SORCS2: variants seen among roughly 807,000 people sequenced by gnomAD.
SORCS2 encodes VPS10 domain-containing receptor SorCS2.
In SORCS2, 100 loss-of-function variants were observed where a neutral mutation model predicts 141.6. The observed-to-expected ratio is 0.71, with a 90% confidence interval of 0.60 to 0.83. The LOEUF is 0.83. Ranked by LOEUF, SORCS2 falls within the 40% of genes least tolerant of loss-of-function variation. SORCS2 has a pLI of 0.00. For synonymous variants in SORCS2, 789 were observed against 676.9 expected, an observed-to-expected ratio of 1.17 and a Z score of -2.57; for missense variants, 1,646 against 1,560.2, an observed-to-expected ratio of 1.05 and a Z score of -0.93.
At chr4:7,434,723 C>A (rs368043627) in intron 2 of SORCS2, 3 of 1,612,860 alleles carry the variant, frequency 1.9e-6, no homozygotes, top group South Asian at 1.1e-5. Flanking sequence ...TTGTTCCATA[C>A]GGCCCCTTGG....
At chr4:7,646,263 A>G (rs1721067099) in intron 4 of SORCS2, among the ~76,000 whole-genome samples, 1 of 151,782 alleles carries the variant, frequency 6.6e-6, no homozygotes, top group Non-Finnish European at 1.5e-5. Context: ...GCCAAGATGC[A>G]GGCAGCTGAG....
At chr4:7,571,286 G>A (rs1263131520) in intron 3 of SORCS2, among the ~76,000 whole-genome samples, 2 of 152,238 alleles carry the variant, frequency 1.3e-5, no homozygotes, top group African/African-American at 4.8e-5. Flanking sequence ...CCTTAGCAGA[G>A]GGCTGGCTGG....
At chr4:7,638,525 T>A in intron 4 of SORCS2, 33 bp downstream of exon 4, 6 of 1,586,338 alleles carry the variant, frequency 3.8e-6, no homozygotes, top group Non-Finnish European at 5.1e-6. Context: ...GCCTGGTCTG[T>A]GGGGCTGGGG....
chr4:7,433,439 G>T, intron 2 of SORCS2: 1 of 1,537,210 alleles, frequency 6.5e-7, no homozygotes, highest in Non-Finnish European at 8.7e-7. Context: ...AGGGCACACT[G>T]GTCGGTGCCC....
chr4:7,637,617 A>C (rs1322008576), intron 3 of SORCS2, among the ~76,000 whole-genome samples: 1 of 152,198 alleles, frequency 6.6e-6, no homozygotes, highest in East Asian at 1.9e-4. Flanking sequence ...ATTAGCACTG[A>C]GCCAGCTGGG....
chr4:7,346,230 G>A (rs1335206288), intron 1 of SORCS2, among the ~76,000 whole-genome samples: 1 of 152,176 alleles, frequency 6.6e-6, no homozygotes, highest in Admixed American at 6.5e-5. Flanking sequence ...GCTGCATTAT[G>A]ATATGTTGTG....
chr4:7,448,093 G>A (rs12508967), intron 2 of SORCS2, among the ~76,000 whole-genome samples: 53,906 of 152,098 alleles, frequency 0.35, 9,730 homozygotes, highest in East Asian at 0.49. Context: ...ATCCCTGTAC[G>A]TAGGCGAGAG....
chr4:7,577,433 T>C (rs1285290693), intron 3 of SORCS2, among the ~76,000 whole-genome samples: 2 of 152,076 alleles, frequency 1.3e-5, no homozygotes, highest in African/African-American at 2.4e-5. Flanking sequence ...AGAAGTCATA[T>C]AGCATACAGG....
At chr4:7,315,644 C>T (rs1270524843) in intron 1 of SORCS2, among the ~76,000 whole-genome samples, 4 of 152,222 alleles carry the variant, frequency 2.6e-5, no homozygotes, top group Non-Finnish European at 5.9e-5. Flanking sequence ...TCCTCCCTGC[C>T]CCTCCTATGG....
intron 1 of SORCS2, among the ~76,000 whole-genome samples, chr4:7,362,856 TCAC>T (rs921102682): frequency 3.3e-5 from 5 of 150,894 alleles, no homozygotes; most frequent in Non-Finnish European, 5.9e-5. Context: ...ATCACCATCA[TCAC>T]CACCACCATC....
chr4:7,707,411 A>G (rs185417409), intron 14 of SORCS2, among the ~76,000 whole-genome samples: 1 of 152,312 alleles, frequency 6.6e-6, no homozygotes, highest in Non-Finnish European at 1.5e-5. Context: ...AGGGTGGGAA[A>G]CCAGGTTTCG....
intron 3 of SORCS2, among the ~76,000 whole-genome samples, chr4:7,614,778 C>A (rs371388961): frequency 6.6e-6 from 1 of 151,596 alleles, no homozygotes; most frequent in African/African-American, 2.4e-5. Flanking sequence ...CACCATCATT[C>A]ACCCATAATC....
intron 5 of SORCS2, among the ~76,000 whole-genome samples, chr4:7,656,404 C>A (rs1416129285): frequency 2.0e-5 from 3 of 152,214 alleles, no homozygotes; most frequent in Non-Finnish European, 4.4e-5. Flanking sequence ...CTGGGCAGCA[C>A]GTGGAGGCTC....
At chr4:7,473,676 G>C (rs550491510) in intron 2 of SORCS2, among the ~76,000 whole-genome samples, 1 of 152,294 alleles carries the variant, frequency 6.6e-6, no homozygotes, top group Non-Finnish European at 1.5e-5. Flanking sequence ...ATGATGGCTG[G>C]GCGGTAGCAG....
At chr4:7,439,063 A>G (rs1231660707) in intron 2 of SORCS2, among the ~76,000 whole-genome samples, 1 of 152,104 alleles carries the variant, frequency 6.6e-6, no homozygotes, top group East Asian at 1.9e-4. Flanking sequence ...TTTAGAAACC[A>G]AGATCTGGAT....
At chr4:7,450,603 TC>T (rs1179771482) in intron 2 of SORCS2, among the ~76,000 whole-genome samples, 1 of 152,158 alleles carries the variant, frequency 6.6e-6, no homozygotes, top group Non-Finnish European at 1.5e-5. Context: ...ACACATATGT[TC>T]CCCAGCTGTC....
intron 3 of SORCS2, among the ~76,000 whole-genome samples, chr4:7,601,472 A>C (rs1375694091): frequency 6.6e-6 from 1 of 152,084 alleles, no homozygotes; most frequent in Non-Finnish European, 1.5e-5. Context: ...TCATATGTTT[A>C]GCTGGGTATG....
chr4:7,457,431 T>A lies in SORCS2; in HGVS notation c.548+61076T>A, dbSNP rs7678165. On this transcript the variant is annotated intron_variant, in intron 2 of 26. Coordinates refer to ENST00000507866, the MANE Select transcript of SORCS2 (RefSeq NM_020777.3). Reference sequence around the variant, plus strand: ...ACATCGCAAGCTGGCAGGTGTGAGCTGCAGCCAGAGGGCCTGGCTCACACC... The same window carrying A: ...ACATCGCAAGCTGGCAGGTGTGAGCAGCAGCCAGAGGGCCTGGCTCACACC... Among the ~76,000 whole-genome samples, 8 of 150,912 alleles carry A rather than the reference T, an allele frequency of 5.3e-5. No homozygotes were observed. In the South Asian group the frequency reaches 1.5e-3, roughly 27 times the overall value.
chr4:7,288,420 G>A (rs1248900918), intron 1 of SORCS2, among the ~76,000 whole-genome samples: 1 of 151,940 alleles, frequency 6.6e-6, no homozygotes, highest in African/African-American at 2.4e-5. Context: ...CACAGACCAG[G>A]AGGCTTCAAT....
Sources: gnomAD v4.1 joint callset for allele counts (sites outside exome capture counted in the v4.1 genomes callset) on GRCh38, gnomAD v4.1.1 for gene constraint, MANE v1.5 for transcripts, NCBI Gene and HGNC (gene_info 2026-07-23, HGNC 2026-07-21) for gene names.